TEX36: variants seen among roughly 807,000 people sequenced by gnomAD.
TEX36 encodes the protein testis expressed 36, also known as testis-expressed protein 36.
A neutral mutation model predicts 13.6 loss-of-function variants in TEX36; 12 were observed. The observed-to-expected ratio is 0.88, with a 90% confidence interval of 0.56 to 1.43. The LOEUF (loss-of-function observed/expected upper bound fraction) is 1.43, where lower values mean the gene tolerates loss of function less well. Among genes scored for constraint, TEX36 ranks in the 40% most tolerant of loss-of-function variants. The pLI is 0.00. For missense variants in TEX36, 224 were observed against 228.3 expected, an observed-to-expected ratio of 0.98 and a Z score of 0.12; for synonymous variants, 93 against 83.0, an observed-to-expected ratio of 1.12 and a Z score of -0.65.
intron 3 of TEX36, among the ~76,000 whole-genome samples, chr10:125,579,341 G>A (rs557082679): frequency 6.6e-6 from 1 of 152,244 alleles, no homozygotes; most frequent in Non-Finnish European, 1.5e-5. Context: ...CAGTGGGAAG[G>A]GGGGCAAAGC....
chr10:125,609,586 T>C (rs1432343548), intron 3 of TEX36, among the ~76,000 whole-genome samples: 1 of 152,222 alleles, frequency 6.6e-6, no homozygotes, highest in Non-Finnish European at 1.5e-5. Flanking sequence ...ACTTTGGAAC[T>C]ACCATATTGA....
chr10:125,608,626 C>G (rs915457013), intron 3 of TEX36, among the ~76,000 whole-genome samples: 3 of 152,030 alleles, frequency 2.0e-5, no homozygotes, highest in African/African-American at 7.2e-5. Flanking sequence ...ACTAGACTGC[C>G]CCCTGGAGCA....
In TEX36 at chr10:125,661,860, T is replaced by C; in HGVS notation, c.169A>G (p.Lys57Glu). The C allele has an allele frequency of 6.4e-7, 1 of 1,551,850 alleles. No individual in the cohort carries two copies. Among genetic ancestry groups the C allele is most frequent in the Non-Finnish European group, 8.7e-7 (1 of 1,147,020 alleles). Residue 57 changes from lysine to glutamate, a missense_variant, in exon 2 of 4, where the codon AAA becomes GAA. By Grantham distance (56) the Lys-to-Glu change is moderately conservative (BLOSUM62 1). Transcript: ENST00000368821. ...TCAGGACTCACCTTCTCCCGGACTT[T>C]GTATATGGGCGGCAGCTTCCCCTCC... ...QAEGKLPPIY[K>E]VREKQAVNNQ...
At chr10:125,677,663 GCTT>G (rs1342735463) in intron 1 of TEX36, among the ~76,000 whole-genome samples, 3 of 151,842 alleles carry the variant, frequency 2.0e-5, no homozygotes, top group African/African-American at 7.3e-5. Flanking sequence ...ATCTCACTGA[GCTT>G]CTTTAAAATG....
chr10:125,656,630 C>T (rs1333463777), intron 3 of TEX36, among the ~76,000 whole-genome samples: 3 of 151,914 alleles, frequency 2.0e-5, no homozygotes, highest in South Asian at 2.1e-4. Flanking sequence ...CACACTATGA[C>T]GACTGTCTCA....
intron 3 of TEX36, among the ~76,000 whole-genome samples, chr10:125,648,842 G>A (rs547671758): frequency 7.9e-5 from 12 of 152,214 alleles, no homozygotes; most frequent in Admixed American, 2.6e-4. Context: ...ACCATGGCAC[G>A]GGAACTACAT....
chr10:125,664,110 C>G (rs1242453051), intron 1 of TEX36, among the ~76,000 whole-genome samples: 2 of 152,130 alleles, frequency 1.3e-5, no homozygotes, highest in East Asian at 3.9e-4. Flanking sequence ...CTTTCTATAC[C>G]TGGCTTATTT....
chr10:125,582,915 G>A (rs117695708), intron 3 of TEX36, among the ~76,000 whole-genome samples: 214 of 152,262 alleles, frequency 1.4e-3, no homozygotes, highest in Middle Eastern at 3.4e-3. Flanking sequence ...TTATAAAAGA[G>A]ATATAGTTGT....
chr10:125,592,199 C>G (rs544925432), intron 3 of TEX36, among the ~76,000 whole-genome samples: 21 of 152,088 alleles, frequency 1.4e-4, no homozygotes, highest in Non-Finnish European at 2.4e-4. Context: ...CCTAAACCCT[C>G]CCGCTGGGAG....
At chr10:125,616,103 T>C (rs961541383) in intron 3 of TEX36, among the ~76,000 whole-genome samples, 1 of 152,228 alleles carries the variant, frequency 6.6e-6, no homozygotes, top group African/African-American at 2.4e-5. Flanking sequence ...GATGGTAGTT[T>C]GTATTTCTGT....
chr10:125,592,010 ACT>A (rs1846026784), intron 3 of TEX36, among the ~76,000 whole-genome samples: 1 of 152,112 alleles, frequency 6.6e-6, no homozygotes, highest in Non-Finnish European at 1.5e-5. Context: ...TGCAAATAAA[ACT>A]CTACATGTTG....
chr10:125,651,907 A>T (rs756950328), downstream of TEX36, among the ~76,000 whole-genome samples: 2 of 152,208 alleles, frequency 1.3e-5, no homozygotes, highest in Non-Finnish European at 2.9e-5. Flanking sequence ...TGCTTCAAAG[A>T]GAATACCTAG....
chr10:125,636,120 C>T (rs1311118426), intron 3 of TEX36, among the ~76,000 whole-genome samples: 1 of 152,002 alleles, frequency 6.6e-6, no homozygotes, highest in Non-Finnish European at 1.5e-5. Flanking sequence ...AGTGATCCAC[C>T]TGTCCCGGCC....
In TEX36 at chr10:125,608,900, C is replaced by G. The variant is rs1476525068; in HGVS notation, c.265-32026G>C. On this transcript the variant is annotated intron_variant, in intron 3 of 3. Coordinates refer to the TEX36 transcript ENST00000532135. The stretch of plus-strand genomic sequence containing the variant: ...CTGTAATCCCAGCACTTTGGGAGGC[C>G]GAGGAAGGCGGATCACTTGAGGCCA... Among the ~76,000 whole-genome samples the G allele has an allele frequency of 1.0e-4, 15 of 147,370 alleles. No homozygotes were observed. The South Asian group carries it at 3.2e-3, about 31-fold the overall frequency.
chr10:125,601,412 A>G (rs1167903796), intron 3 of TEX36, among the ~76,000 whole-genome samples: 1 of 152,224 alleles, frequency 6.6e-6, no homozygotes, highest in East Asian at 1.9e-4. Flanking sequence ...TATAGCCCCA[A>G]AGGTGGTTAG....
intron 1 of TEX36, among the ~76,000 whole-genome samples, chr10:125,673,151 T>C (rs915662087): frequency 6.6e-6 from 1 of 152,242 alleles, no homozygotes; most frequent in Non-Finnish European, 1.5e-5. Context: ...TATCTATGAA[T>C]ATGATCCTGT....
chr10:125,594,319 C>T (rs1200456687), intron 3 of TEX36, among the ~76,000 whole-genome samples: 2 of 151,978 alleles, frequency 1.3e-5, no homozygotes, highest in Admixed American at 1.3e-4. Context: ...TAAGTGAAAA[C>T]AAAAAGAGAG....
At chr10:125,667,098 G>A in intron 1 of TEX36, 1 of 948,254 alleles carries the variant, frequency 1.1e-6, no homozygotes, top group Non-Finnish European at 1.7e-6. Context: ...TAATGGCGTT[G>A]AGGTTGATGG....
At chr10:125,679,193 G>A (rs9422938) in intron 1 of TEX36, among the ~76,000 whole-genome samples, 1,481 of 139,534 alleles carry the variant, frequency 0.011, 26 homozygotes, top group African/African-American at 0.038. Context: ...TTTGTGCCTC[G>A]CTCACACCCC....
Sources: allele counts gnomAD v4.1 joint callset (sites outside exome capture counted in the v4.1 genomes callset), GRCh38; gene constraint gnomAD v4.1.1; transcripts MANE v1.5; gene names NCBI Gene and HGNC (gene_info 2026-07-23, HGNC 2026-07-21).